The following PARD3 variants were observed in gnomAD, a reference collection of about 807,000 sequenced individuals.
The protein encoded by PARD3 is par-3 family cell polarity regulator.
Under a neutral mutation model 155.4 loss-of-function variants are expected in PARD3, and 75 were observed. The ratio of observed to expected loss-of-function variants is 0.48; its 90% CI spans 0.40 to 0.58. The LOEUF is 0.58. Ranked by LOEUF, PARD3 falls within the 20% of genes least tolerant of loss-of-function variation. The pLI is 0.00. For synonymous variants in PARD3, 576 were observed against 610.5 expected (o/e 0.94, Z 0.83); for missense variants, 1,642 against 1,721.7 (o/e 0.95, Z 0.82).
intron 22 of PARD3, among the ~76,000 whole-genome samples, chr10:34,206,984 A>G (rs1189369281): frequency 6.6e-6 from 1 of 152,262 alleles, no homozygotes; most frequent in Non-Finnish European, 1.5e-5. Context: ...TCTAGATTAC[A>G]CAGCTTCATC....
In PARD3 at chr10:34,331,304, C is replaced by A. The variant is rs1424919033; in HGVS notation, c.2646G>T (p.Lys882Asn). The A allele has an allele frequency of 6.2e-7, 1 of 1,613,820 alleles. No individual in the cohort carries two copies. The highest frequency in any genetic ancestry group is 1.3e-5 in the African/African-American group (1 of 74,868). ...SRDVGPSLGL[K>N]KSSSLESLQT... ...GCAGACTCTCCAACGAGCTTGACTT[C>A]TTCAGACCCAGGGAAGGACCCACAT... is the stretch of plus-strand genomic sequence containing the variant. Residue 882 changes from lysine (K) to asparagine (N), a missense_variant, in exon 19 of 25, where the codon AAG becomes AAT. Physicochemically the swap from Lys to Asn is moderately conservative, Grantham distance 94 (BLOSUM62 0). Around this residue, in one of 3 missense-constraint regions of PARD3, gnomAD observed 1,529 missense variants for 1,587.3 expected, o/e 0.96. Coordinates refer to ENST00000374788, the MANE Select transcript of PARD3 (RefSeq NM_001184785.2).
At chr10:34,128,839 A>G (rs1947434265) in intron 23 of PARD3, among the ~76,000 whole-genome samples, 1 of 152,196 alleles carries the variant, frequency 6.6e-6, no homozygotes, top group African/African-American at 2.4e-5. Context: ...AGTGATTCTC[A>G]AAGTTGAACT....
chr10:34,408,921 TAC>T (rs1430623674), intron 5 of PARD3, among the ~76,000 whole-genome samples: 1 of 152,056 alleles, frequency 6.6e-6, no homozygotes, highest in African/African-American at 2.4e-5. Flanking sequence ...TAACAGCTGT[TAC>T]AGTTTTAGAC....
At chr10:34,483,650 G>A (rs1554873788) in intron 3 of PARD3, among the ~76,000 whole-genome samples, 2 of 152,152 alleles carry the variant, frequency 1.3e-5, no homozygotes, top group Non-Finnish European at 2.9e-5. Flanking sequence ...AGACCCACAA[G>A]GGGATAGAAC....
chr10:34,193,605 A>G (rs1271686262), intron 22 of PARD3, among the ~76,000 whole-genome samples: 1 of 152,254 alleles, frequency 6.6e-6, no homozygotes, highest in Non-Finnish European at 1.5e-5. Flanking sequence ...TATTTGATCA[A>G]TTCTGCTCTA....
rs544131171 is a variant in PARD3 at position 34,444,789 on chromosome 10, G to A, written c.714+5528C>T. Among the ~76,000 whole-genome samples, 20 of 152,302 alleles carry A rather than the reference G, an allele frequency of 1.3e-4. No homozygotes were observed. The South Asian group carries it at 4.1e-3, about 32-fold the overall frequency. On this transcript the variant is annotated intron_variant, in intron 5 of 24. Coordinates refer to ENST00000374788, the MANE Select transcript of PARD3 (RefSeq NM_001184785.2). ...ACCACCCAAAGAATAAGACACCCCA[G>A]ACTTCTAGAGGGGCCAGCTAGCTTA...
At chr10:34,216,071 A>G (rs1411913231) in intron 22 of PARD3, among the ~76,000 whole-genome samples, 1 of 152,188 alleles carries the variant, frequency 6.6e-6, no homozygotes. Context: ...GAGAAAAGAA[A>G]ATACCCAAGT....
intron 1 of PARD3, among the ~76,000 whole-genome samples, chr10:34,707,388 T>C (rs2133593547): frequency 6.6e-6 from 1 of 152,206 alleles, no homozygotes; most frequent in South Asian, 2.1e-4. Flanking sequence ...CAGGCCAGCA[T>C]CACCTGATAA....
At chr10:34,178,180 T>C (rs1384850034) in intron 22 of PARD3, among the ~76,000 whole-genome samples, 1 of 152,194 alleles carries the variant, frequency 6.6e-6, no homozygotes, top group Admixed American at 6.5e-5. Flanking sequence ...AAAAGATGCA[T>C]TGTGAATAAG....
chr10:34,576,912 A>G (rs749817013), intron 2 of PARD3, among the ~76,000 whole-genome samples: 2 of 152,206 alleles, frequency 1.3e-5, no homozygotes, highest in Non-Finnish European at 2.9e-5. Flanking sequence ...CTTGCAATCA[A>G]TTAACGTCAT....
intron 2 of PARD3, among the ~76,000 whole-genome samples, chr10:34,633,623 C>T (rs992395495): frequency 3.3e-5 from 5 of 152,154 alleles, no homozygotes; most frequent in African/African-American, 7.2e-5. Flanking sequence ...CAGTGAACGG[C>T]GCTGCAACAA....
intron 22 of PARD3, among the ~76,000 whole-genome samples, chr10:34,263,247 C>T (rs1458320011): frequency 1.3e-5 from 2 of 152,172 alleles, no homozygotes; most frequent in African/African-American, 2.4e-5. Context: ...GTGTGAAGTG[C>T]TTTATATGTC....
At chr10:34,419,810 C>T (rs1234660923) in intron 5 of PARD3, among the ~76,000 whole-genome samples, 1 of 152,186 alleles carries the variant, frequency 6.6e-6, no homozygotes, top group African/African-American at 2.4e-5. Context: ...ATACATAGGA[C>T]ATATCCATAC....
chr10:34,111,526 G>A lies in PARD3; in HGVS notation c.3705C>T (p.Asp1235=), dbSNP rs1228264244. The change falls in exon 25 of 25, where the codon GAC becomes GAT. Residue 1235 remains aspartate (D), a synonymous_variant. Coordinates refer to ENST00000374788, the MANE Select transcript of PARD3 (RefSeq NM_001184785.2). The part of the protein sequence containing the change: ...SRKNASSVSQ[D]SWEQNYSPGE... ...CAGGGGAGTAGTTCTGCTCCCAAGA[G>A]TCCTGGGAGACCGAGCTGGCATTTT... 1.2e-6 allele frequency: 2 copies of A among 1,602,718 alleles called. No individual in the cohort carries two copies. Among genetic ancestry groups the A allele is most frequent in the Admixed American group, 1.7e-5 (1 of 59,100 alleles).
At chr10:34,574,279 A>C (rs1255189404) in intron 2 of PARD3, among the ~76,000 whole-genome samples, 1 of 152,182 alleles carries the variant, frequency 6.6e-6, no homozygotes, top group African/African-American at 2.4e-5. Flanking sequence ...TAATTATCTT[A>C]ATTGTGCCAA....
intron 23 of PARD3, among the ~76,000 whole-genome samples, chr10:34,120,004 ATTTTTTTTTTT>A (rs1185067110): frequency 9.5e-5 from 7 of 73,792 alleles, no homozygotes; most frequent in Non-Finnish European, 1.3e-4. Context: ...GTCTTCTTTA[ATTTTTTTTTTT>A]TTTTTTTTTT....
At chr10:34,305,962 G>A (rs1283264172) in intron 20 of PARD3, among the ~76,000 whole-genome samples, 1 of 151,994 alleles carries the variant, frequency 6.6e-6, no homozygotes, top group Non-Finnish European at 1.5e-5. Context: ...GGGTGACAGA[G>A]CAAGATCCTG....
intron 20 of PARD3, among the ~76,000 whole-genome samples, chr10:34,299,488 T>C (rs971540911): frequency 6.6e-6 from 1 of 152,200 alleles, no homozygotes; most frequent in Non-Finnish European, 1.5e-5. Flanking sequence ...AAGACACTTC[T>C]AAAGGGAGAG....
chr10:34,622,481 A>G (rs2091737998), intron 2 of PARD3, among the ~76,000 whole-genome samples: 2 of 152,216 alleles, frequency 1.3e-5, no homozygotes, highest in Admixed American at 1.3e-4. Flanking sequence ...AATTGTTAGA[A>G]AAGCACAGGT....
Sources: gnomAD v4.1 joint callset for allele counts (sites outside exome capture counted in the v4.1 genomes callset) on GRCh38, gnomAD v4.1.1 for gene constraint, gnomAD v4.1.1 regional missense constraint, MANE v1.5 for transcripts, NCBI Gene and HGNC (gene_info 2026-07-23, HGNC 2026-07-21) for gene names.